GRM7: variants seen among roughly 807,000 people sequenced by gnomAD.
The protein encoded by GRM7 is metabotropic glutamate receptor 7.
In GRM7, 35 loss-of-function variants were observed where a neutral mutation model predicts 84.5. The observed-to-expected ratio is 0.41, with a 90% CI of 0.32 to 0.55. GRM7 has a LOEUF of 0.55. Ranked by LOEUF, GRM7 falls within the 20% of genes least tolerant of loss-of-function variation. GRM7 has a pLI of 0.19. For synonymous variants in GRM7, 487 were observed against 455.1 expected (o/e 1.07, Z -0.89); for missense variants, 1,003 against 1,194.6 (o/e 0.84, Z 2.36).
At chr3:7,353,980 C>T (rs1693275066) in intron 4 of GRM7, among the ~76,000 whole-genome samples, 3 of 152,100 alleles carry the variant, frequency 2.0e-5, no homozygotes, top group Admixed American at 2.0e-4. Context: ...TCTGTATACA[C>T]AGAAAACTTC....
intron 1 of GRM7, among the ~76,000 whole-genome samples, chr3:7,038,412 C>T (rs1337786579): frequency 2.0e-5 from 3 of 152,180 alleles, no homozygotes; most frequent in Admixed American, 2.0e-4. Context: ...TTCCCTTTCT[C>T]TTGGTACTGA....
At chr3:6,981,446 C>A (rs1212544651) in intron 1 of GRM7, among the ~76,000 whole-genome samples, 1 of 152,160 alleles carries the variant, frequency 6.6e-6, no homozygotes, top group South Asian at 2.1e-4. Context: ...CCATGAGTAT[C>A]TTCGTTTCTT....
At chr3:7,371,413 A>G (rs982295312) in intron 4 of GRM7, among the ~76,000 whole-genome samples, 5 of 152,184 alleles carry the variant, frequency 3.3e-5, no homozygotes, top group Non-Finnish European at 5.9e-5. Context: ...TTAATTTATA[A>G]CCAAAATAGA....
At chr3:7,143,624 T>C (rs1011090057) in intron 1 of GRM7, among the ~76,000 whole-genome samples, 5 of 152,106 alleles carry the variant, frequency 3.3e-5, no homozygotes, top group Non-Finnish European at 2.9e-5. Flanking sequence ...TACTAAAATA[T>C]GGGGCATGGT....
intron 8 of GRM7, among the ~76,000 whole-genome samples, chr3:7,591,637 C>T (rs1233913570): frequency 6.6e-6 from 1 of 152,142 alleles, no homozygotes; most frequent in Non-Finnish European, 1.5e-5. Flanking sequence ...CATTATAGAA[C>T]TTCTACATAA....
At chr3:6,950,159 C>T (rs894231611) in intron 1 of GRM7, among the ~76,000 whole-genome samples, 2 of 152,166 alleles carry the variant, frequency 1.3e-5, no homozygotes, top group African/African-American at 2.4e-5. Flanking sequence ...AGTTTTTCTG[C>T]TCTGTTTTTT....
chr3:7,708,209 T>C (rs1701456752), intron 9 of GRM7, among the ~76,000 whole-genome samples: 1 of 152,126 alleles, frequency 6.6e-6, no homozygotes, highest in Non-Finnish European at 1.5e-5. Flanking sequence ...GGTTTTTGTC[T>C]CATTTATTTT....
intron 6 of GRM7, among the ~76,000 whole-genome samples, chr3:7,455,696 G>C (rs746748362): frequency 1.3e-5 from 2 of 152,136 alleles, no homozygotes; most frequent in Non-Finnish European, 2.9e-5. Flanking sequence ...CTGACTCAAA[G>C]AGACCAAGGA....
intron 1 of GRM7, among the ~76,000 whole-genome samples, chr3:6,907,106 G>A (rs561897517): frequency 2.0e-5 from 3 of 151,946 alleles, no homozygotes; most frequent in African/African-American, 2.4e-5. Context: ...GTGTCTTGCC[G>A]TGTTGCCCAG....
intron 1 of GRM7, among the ~76,000 whole-genome samples, chr3:6,907,572 G>A (rs578170494): frequency 3.3e-5 from 5 of 152,264 alleles, no homozygotes; most frequent in African/African-American, 9.6e-5. Context: ...CATAAATCAT[G>A]AAGTGATCTC....
intron 2 of GRM7, among the ~76,000 whole-genome samples, chr3:7,290,433 T>C (rs1699581792): frequency 6.6e-6 from 1 of 152,222 alleles, no homozygotes; most frequent in South Asian, 2.1e-4. Context: ...CAAATGTTTC[T>C]CAGGCAAAAT....
In GRM7 at chr3:7,099,808, G is replaced by A. The variant is rs12634178; in HGVS notation, c.520-46644G>A. 6.8e-4 allele frequency among the ~76,000 whole-genome samples: 75 copies of A among 110,414 alleles called. 12 individuals are homozygous for A. In the East Asian group the frequency reaches 0.017, roughly 24 times the overall value. The allele number at this position is 110,414 out of a possible 152,430, so 72.4% of individuals were successfully genotyped here. A position where few individuals can be genotyped will look rare whatever the true frequency, so the allele number is the denominator to read the frequency against. On this transcript the variant is annotated intron_variant, in intron 1 of 9. Coordinates refer to ENST00000357716, the MANE Select transcript of GRM7 (RefSeq NM_000844.4). Reference sequence around the variant, plus strand: ...TGTGCACATACATGTATATGTACACGCATTATACATGTGCACATACATGTA... The same window carrying A: ...TGTGCACATACATGTATATGTACACACATTATACATGTGCACATACATGTA...
chr3:7,439,295 C>G (rs570908092), intron 5 of GRM7, among the ~76,000 whole-genome samples: 1 of 152,086 alleles, frequency 6.6e-6, no homozygotes, highest in Non-Finnish European at 1.5e-5. Flanking sequence ...GAGCAAAGGT[C>G]AGCAATATTT....
intron 1 of GRM7, among the ~76,000 whole-genome samples, chr3:6,864,166 T>G (rs1334685793): frequency 1.3e-5 from 2 of 152,190 alleles, no homozygotes; most frequent in Admixed American, 1.3e-4. Flanking sequence ...CTATTCATGT[T>G]GGATTGAATA....
intron 5 of GRM7, among the ~76,000 whole-genome samples, chr3:7,424,121 C>T (rs1256426683): frequency 6.6e-6 from 1 of 152,054 alleles, no homozygotes; most frequent in Admixed American, 6.6e-5. Context: ...CCTTTCCCAT[C>T]CCCTCATCTG....
At chr3:7,395,841 T>C (rs190323808) in intron 4 of GRM7, among the ~76,000 whole-genome samples, 80 of 152,248 alleles carry the variant, frequency 5.3e-4, no homozygotes, top group African/African-American at 1.9e-3. Flanking sequence ...CTAATACATA[T>C]ACCATTGTAG....
chr3:7,377,388 C>T (rs1694396451), intron 4 of GRM7, among the ~76,000 whole-genome samples: 1 of 152,142 alleles, frequency 6.6e-6, no homozygotes, highest in East Asian at 1.9e-4. Context: ...GAAACTGAAT[C>T]TTCTCTTTTG....
intron 9 of GRM7, among the ~76,000 whole-genome samples, chr3:7,702,446 C>T (rs1188077652): frequency 1.3e-5 from 2 of 152,160 alleles, no homozygotes; most frequent in Non-Finnish European, 2.9e-5. Flanking sequence ...AAACCTAACC[C>T]CTATGGCAGA....
At chr3:6,897,174 A>G (rs1349526165) in intron 1 of GRM7, among the ~76,000 whole-genome samples, 3 of 152,170 alleles carry the variant, frequency 2.0e-5, no homozygotes, top group African/African-American at 7.2e-5. Context: ...AATGAACCCT[A>G]AAAGTTCTGT....
Sources: gnomAD v4.1 joint callset for allele counts (sites outside exome capture counted in the v4.1 genomes callset) on GRCh38, gnomAD v4.1.1 for gene constraint, MANE v1.5 for transcripts, NCBI Gene and HGNC (gene_info 2026-07-23, HGNC 2026-07-21) for gene names.